The following NRG2 variants were observed in gnomAD, a reference collection of about 807,000 sequenced individuals.
The protein encoded by NRG2 is neuregulin 2.
A neutral mutation model predicts 73.9 loss-of-function variants in NRG2; 27 were observed. The ratio of observed to expected loss-of-function variants is 0.37; its 90% CI spans 0.27 to 0.50. NRG2 has a LOEUF of 0.50. Among genes scored for constraint, NRG2 ranks in the 20% least tolerant of loss-of-function variants. The pLI is 0.96. For missense variants in NRG2, 1,126 were observed against 1,210.1 expected, an observed-to-expected ratio of 0.93 and a Z score of 1.03; for synonymous variants, 532 against 541.0, an observed-to-expected ratio of 0.98 and a Z score of 0.23.
Position 139,852,801 on chromosome 5 carries a change from C to T in NRG2, c.1416+103G>A. 4.5e-6 allele frequency: 7 copies of T among 1,561,892 alleles called. No homozygotes were observed. Among genetic ancestry groups the T allele is most frequent in the Non-Finnish European group, 4.3e-6 (5 of 1,155,648 alleles). ...GCAGTGCCTAGCAGGCAAGGCTGGC[C>T]ATGGGATAGGCTGGCTGCTGCCCTG... On this transcript the variant is annotated intron_variant, in intron 7 of 9. Transcript: ENST00000361474. The surrounding 1 kb of genome is among the most constrained non-coding windows in gnomAD (Gnocchi z 4.4).
At chr5:139,876,085 C>G (rs562116773) in intron 3 of NRG2, among the ~76,000 whole-genome samples, 2 of 152,086 alleles carry the variant, frequency 1.3e-5, no homozygotes, top group East Asian at 3.9e-4. Flanking sequence ...GGAAACAATC[C>G]AAATGACCCA....
intron 1 of NRG2, among the ~76,000 whole-genome samples, chr5:140,011,816 T>C (rs1759387973): frequency 6.6e-6 from 1 of 152,250 alleles, no homozygotes; most frequent in South Asian, 2.1e-4. Context: ...TTTGTTGTTT[T>C]AACCCACTAC....
intron 1 of NRG2, among the ~76,000 whole-genome samples, chr5:139,955,463 T>A (rs532958597): frequency 5.7e-4 from 87 of 151,780 alleles, no homozygotes; most frequent in African/African-American, 2.0e-3. Context: ...GCTAGAGAGG[T>A]TTGGCAGCAG....
intron 1 of NRG2, among the ~76,000 whole-genome samples, chr5:139,962,607 C>T (rs971185944): frequency 1.3e-5 from 2 of 152,156 alleles, no homozygotes; most frequent in Admixed American, 1.3e-4. Flanking sequence ...TTTGCTCAGA[C>T]CGTCTTCACA....
chr5:139,853,801 G>A lies in NRG2; in HGVS notation c.1293-774C>T, dbSNP rs1761631528. ...GGAAGTGGGGGGTTGGGAGGGAGGT[G>A]GGGATGGTTCATGGGTACAAAAACT... On this transcript the variant is annotated intron_variant, in intron 6 of 9. Coordinates refer to ENST00000361474, the MANE Select transcript of NRG2 (RefSeq NM_004883.3). This position sits in a 1 kb window ranked among gnomAD's most constrained non-coding sequence, Gnocchi z 4.1. 6.6e-6 allele frequency among the ~76,000 whole-genome samples: 1 copy of A among 152,140 alleles called. No homozygotes were observed. Among genetic ancestry groups the A allele is most frequent in the Admixed American group, 6.5e-5 (1 of 15,272 alleles).
chr5:139,987,412 A>G (rs1757254297), intron 1 of NRG2, among the ~76,000 whole-genome samples: 1 of 150,698 alleles, frequency 6.6e-6, no homozygotes, highest in East Asian at 1.9e-4. Flanking sequence ...GCCACCTCAC[A>G]TCCTGACTCA....
At chr5:139,991,254 C>T (rs1056880937) in intron 1 of NRG2, among the ~76,000 whole-genome samples, 9 of 151,406 alleles carry the variant, frequency 5.9e-5, no homozygotes, top group Non-Finnish European at 1.0e-4. Flanking sequence ...CCAGCCTGGG[C>T]GACAGAACAA....
intron 1 of NRG2, among the ~76,000 whole-genome samples, chr5:139,930,231 C>T (rs968496978): frequency 6.6e-6 from 1 of 152,176 alleles, no homozygotes; most frequent in Non-Finnish European, 1.5e-5. Context: ...TGTGCTGTTT[C>T]CTACTTTCCC....
At position 139,852,564 on chromosome 5, in the gene NRG2, AACAG is replaced by A. The variant is rs1761515208; in HGVS notation, c.1417-9_1417-6del. 1 of 1,613,286 alleles carries A rather than the reference AACAG, an allele frequency of 6.2e-7. No individual in the cohort carries two copies. The highest frequency in any genetic ancestry group is 8.5e-7 in the Non-Finnish European group (1 of 1,179,628). ...TGGCACGTTCTTGGAAATATACTGG[AACAG>A]ACAGAGTTGGGCGAGAGTTAGTGAC... On this transcript the variant is annotated splice_polypyrimidine_tract_variant and splice_region_variant and intron_variant, in intron 7 of 9. Transcript: ENST00000361474. The surrounding 1 kb of genome is among the most constrained non-coding windows in gnomAD (Gnocchi z 4.4).
intron 5 of NRG2, 26 bp from the exon 6 acceptor site, chr5:139,855,804 G>A: frequency 6.3e-7 from 1 of 1,586,040 alleles, no homozygotes; most frequent in Admixed American, 1.7e-5. Context: ...AGATGTGAGG[G>A]GTGGGGCAGG....
chr5:140,001,441 T>C (rs1758465849), intron 1 of NRG2, among the ~76,000 whole-genome samples: 1 of 152,174 alleles, frequency 6.6e-6, no homozygotes, highest in African/African-American at 2.4e-5. Context: ...CTCCAAAACA[T>C]ATAGCATTGT....
intron 1 of NRG2, among the ~76,000 whole-genome samples, chr5:139,985,840 G>T (rs1414953181): frequency 1.3e-5 from 2 of 152,066 alleles, no homozygotes; most frequent in Non-Finnish European, 2.9e-5. Flanking sequence ...TCTGAGAGGT[G>T]ACTCAGGGCA....
rs1755483993 is a variant in NRG2 at position 139,965,984 on chromosome 5, T to A, written c.700+76386A>T. Among the ~76,000 whole-genome samples the A allele has an allele frequency of 2.0e-5, 3 of 152,188 alleles. No individual in the cohort carries two copies. In the South Asian group the frequency reaches 6.2e-4, roughly 32 times the overall value. On this transcript the variant is annotated intron_variant, in intron 1 of 9. Coordinates refer to ENST00000361474, the MANE Select transcript of NRG2 (RefSeq NM_004883.3). ...CTTTTCACAATTTCTAATTTTTTTT[T>A]TATATTTGCTTACTTATTATTTGTT...
chr5:139,880,591 C>T (rs1763468696), intron 3 of NRG2, among the ~76,000 whole-genome samples: 1 of 152,204 alleles, frequency 6.6e-6, no homozygotes, highest in Non-Finnish European at 1.5e-5. Flanking sequence ...TCCCCACCCC[C>T]ACCTCTTGAT....
Position 139,848,187 on chromosome 5 carries a change from G to C in NRG2, c.2283C>G (p.Asp761Glu). 1 of 1,389,712 alleles carries C rather than the reference G, an allele frequency of 7.2e-7. No homozygotes were observed. Among genetic ancestry groups the C allele is most frequent in the South Asian group, 1.6e-5 (1 of 64,506 alleles). The allele number at this position is 1,389,712 out of a possible 1,614,324, so 86.1% of individuals were successfully genotyped here. A position where few individuals can be genotyped will look rare whatever the true frequency, so the allele number is the denominator to read the frequency against. The part of the protein sequence containing the change: ...LAAQRARAAR[D>E]SLSLSSGSGG... ...CCGAGCCGCTGCTCAGCGACAGCGAGTCCCTCGCCGCCCGTGCGCGCTGCG... is the reference window on the plus strand; with the variant it reads ...CCGAGCCGCTGCTCAGCGACAGCGACTCCCTCGCCGCCCGTGCGCGCTGCG... The change falls in exon 10 of 10, where the codon GAC becomes GAG. Residue 761 changes from aspartate (D) to glutamate (E), a missense_variant. Coordinates refer to ENST00000361474, the MANE Select transcript of NRG2 (RefSeq NM_004883.3).
At chr5:139,872,652 G>A (rs938962821) in intron 3 of NRG2, among the ~76,000 whole-genome samples, 1 of 152,136 alleles carries the variant, frequency 6.6e-6, no homozygotes, top group African/African-American at 2.4e-5. Context: ...GAAAGGGAAG[G>A]GGGCAGCTGG....
intron 1 of NRG2, among the ~76,000 whole-genome samples, chr5:139,939,277 TC>T (rs1487555880): frequency 6.6e-6 from 1 of 151,378 alleles, no homozygotes; most frequent in Non-Finnish European, 1.5e-5. Flanking sequence ...TTTCTTTCTT[TC>T]TTTCCTTTCT....
At chr5:140,014,234 AT>A (rs34454854) in intron 1 of NRG2, among the ~76,000 whole-genome samples, 212 of 151,044 alleles carry the variant, frequency 1.4e-3, no homozygotes, top group African/African-American at 4.9e-3. Flanking sequence ...AAAAGCTTGG[AT>A]TTTTTTTTCC....
At position 139,851,277 on chromosome 5, in the gene NRG2, G is replaced by A. The variant is rs933482835; in HGVS notation, c.1772+327C>T. 2.6e-4 allele frequency among the ~76,000 whole-genome samples: 39 copies of A among 152,232 alleles called. No homozygotes were observed. Among genetic ancestry groups the A allele is most frequent in the African/African-American group, 7.5e-4 (31 of 41,538 alleles). On this transcript the variant is annotated intron_variant, in intron 9 of 9. Coordinates refer to ENST00000361474, the MANE Select transcript of NRG2 (RefSeq NM_004883.3). This position sits in a 1 kb window ranked among gnomAD's most constrained non-coding sequence, Gnocchi z 4.2. ...GCTGGGATTACAGGTGTGAGCCACCGCGCCCGGCTGCCTGTTTGTTCTTGA... is the reference window on the plus strand; with the variant it reads ...GCTGGGATTACAGGTGTGAGCCACCACGCCCGGCTGCCTGTTTGTTCTTGA...
Sources: gnomAD v4.1 joint callset for allele counts (sites outside exome capture counted in the v4.1 genomes callset) on GRCh38, gnomAD v4.1.1 for gene constraint, Gnocchi (gnomAD v3.1) non-coding constraint, MANE v1.5 for transcripts, NCBI Gene and HGNC (gene_info 2026-07-23, HGNC 2026-07-21) for gene names.